KLHL29: variants seen among roughly 807,000 people sequenced by gnomAD.
KLHL29 encodes the protein kelch-like protein 29.
In KLHL29, 21 loss-of-function variants were observed where a neutral mutation model predicts 80.4. The ratio of observed to expected loss-of-function variants is 0.26; its 90% CI spans 0.19 to 0.38. KLHL29 has a LOEUF of 0.38. KLHL29 is among the 10% of genes least tolerant of loss of function. The pLI, the probability that KLHL29 is intolerant of heterozygous loss-of-function variation, is 1.00. For synonymous variants in KLHL29, 511 were observed against 526.8 expected, an observed-to-expected ratio of 0.97 and a Z score of 0.41; for missense variants, 867 against 1,223.9, an observed-to-expected ratio of 0.71 and a Z score of 4.35.
chr2:23,471,583 T>C (rs1281076069), intron 1 of KLHL29, among the ~76,000 whole-genome samples: 2 of 152,190 alleles, frequency 1.3e-5, no homozygotes, highest in African/African-American at 4.8e-5. Context: ...AAGCTGAAAG[T>C]CCTAAGACCC....
intron 1 of KLHL29, among the ~76,000 whole-genome samples, chr2:23,408,213 T>C (rs1666777379): frequency 7.2e-6 from 1 of 138,890 alleles, no homozygotes; most frequent in Non-Finnish European, 1.5e-5. Flanking sequence ...TTGGCTACTA[T>C]GTCTGACATA....
intron 5 of KLHL29, among the ~76,000 whole-genome samples, chr2:23,651,098 C>T (rs1426226779): frequency 6.6e-6 from 1 of 152,156 alleles, no homozygotes; most frequent in East Asian, 1.9e-4. Flanking sequence ...GAGCATAAAA[C>T]ATTGTGTAAA....
rs370185421 is a variant in KLHL29, at chr2:23,434,699, C to G, written c.-153-40861C>G. ...ATTTGGGTCAGATGAAGTGGCTTTG[C>G]AGCAGGCTGGGTTTTGACATGCTGT... On this transcript the variant is annotated intron_variant, in intron 1 of 13. Transcript: ENST00000486442. Among the ~76,000 whole-genome samples, 6 of 152,336 alleles carry G rather than the reference C, an allele frequency of 3.9e-5. No individual in the cohort carries two copies. The East Asian group carries it at 9.6e-4, about 24-fold the overall frequency.
chr2:23,561,078 G>A (rs1019365629), intron 2 of KLHL29, among the ~76,000 whole-genome samples: 1 of 152,162 alleles, frequency 6.6e-6, no homozygotes, highest in Non-Finnish European at 1.5e-5. Flanking sequence ...CAACCAAGCT[G>A]TGCCTGAGCC....
chr2:23,587,107 A>G (rs567591226), intron 3 of KLHL29, among the ~76,000 whole-genome samples: 162 of 152,064 alleles, frequency 1.1e-3, no homozygotes, highest in Admixed American at 2.1e-3. Flanking sequence ...TTTTAATTAG[A>G]CGCCCTGTTA....
chr2:23,507,409 C>T lies in KLHL29; in HGVS notation c.-46+31742C>T, dbSNP rs1199904867. Among the ~76,000 whole-genome samples, 6 of 152,180 alleles carry T rather than the reference C, an allele frequency of 3.9e-5. No individual in the cohort carries two copies. In the East Asian group the frequency reaches 7.7e-4, roughly 20 times the overall value. ...CCTCAAATGGCCTCAGTGCCAGCCCCGTCCCGGAGCAGCGTCACAGTGCAC... is the reference window on the plus strand; with the variant it reads ...CCTCAAATGGCCTCAGTGCCAGCCCTGTCCCGGAGCAGCGTCACAGTGCAC... On this transcript the variant is annotated intron_variant, in intron 2 of 13. Transcript: ENST00000486442.
At chr2:23,646,182 A>G (rs1456761377) in intron 5 of KLHL29, among the ~76,000 whole-genome samples, 1 of 152,002 alleles carries the variant, frequency 6.6e-6, no homozygotes, top group Non-Finnish European at 1.5e-5. Flanking sequence ...TCGTTGTTGG[A>G]TTGGAACCAC....
chr2:23,664,687 C>T (rs1670505879), intron 5 of KLHL29, among the ~76,000 whole-genome samples: 1 of 152,202 alleles, frequency 6.6e-6, no homozygotes, highest in African/African-American at 2.4e-5. Flanking sequence ...GCCAGTTTTC[C>T]ACAAAGAGGA....
chr2:23,455,167 G>T (rs1020094), intron 1 of KLHL29, among the ~76,000 whole-genome samples: 77,257 of 151,804 alleles, frequency 0.51, 20,927 homozygotes, highest in African/African-American at 0.71. Flanking sequence ...GTCTTTAGTT[G>T]CTGACATTAT....
Position 23,457,827 on chromosome 2 carries a change from C to T in KLHL29, c.-153-17733C>T, listed in dbSNP as rs1664100034. On this transcript the variant is annotated intron_variant, in intron 1 of 13. Transcript: ENST00000486442. The surrounding 1 kb of genome is among the most constrained non-coding windows in gnomAD (Gnocchi z 4.3). ...AGGAGATCGAGACCATCCTGGCTAA[C>T]ACAGTGAAACCCTGTCTCTACTAAA... 6.6e-6 allele frequency among the ~76,000 whole-genome samples: 1 copy of T among 152,062 alleles called. No individual in the cohort carries two copies. The highest frequency in any genetic ancestry group is 1.5e-5 in the Non-Finnish European group (1 of 68,008).
chr2:23,676,763 G>A lies in KLHL29; in HGVS notation c.941-7636G>A, dbSNP rs797011769. Among the ~76,000 whole-genome samples the A allele has an allele frequency of 7.2e-5, 11 of 152,360 alleles. 1 individual carries two copies. The highest frequency in any genetic ancestry group is 2.6e-4 in the African/African-American group (11 of 41,588). On this transcript the variant is annotated intron_variant, in intron 5 of 13. Transcript: ENST00000486442. Reference sequence around the variant, plus strand: ...ACAGGATGAACTGCCTGTGAACTTAGAGAGTTGGGGGATGCGTGGAACATG... The same window carrying A: ...ACAGGATGAACTGCCTGTGAACTTAAAGAGTTGGGGGATGCGTGGAACATG...
At chr2:23,478,958 C>T (rs765070094) in intron 2 of KLHL29, among the ~76,000 whole-genome samples, 10 of 151,832 alleles carry the variant, frequency 6.6e-5, no homozygotes, top group Admixed American at 1.3e-4. Flanking sequence ...CCTCTCTGAC[C>T]GCACTCCCCT....
chr2:23,557,841 T>G (rs1291587119), intron 2 of KLHL29, among the ~76,000 whole-genome samples: 2 of 152,120 alleles, frequency 1.3e-5, no homozygotes, highest in Non-Finnish European at 2.9e-5. Flanking sequence ...AGGGACTGAT[T>G]TATCACATCA....
intron 2 of KLHL29, among the ~76,000 whole-genome samples, chr2:23,528,319 G>A (rs1359271682): frequency 6.6e-6 from 1 of 152,152 alleles, no homozygotes; most frequent in Non-Finnish European, 1.5e-5. Context: ...TTTGGGGCTC[G>A]GAATGGCTGG....
chr2:23,584,832 G>C (rs1197195514), intron 3 of KLHL29, among the ~76,000 whole-genome samples: 1 of 152,194 alleles, frequency 6.6e-6, no homozygotes, highest in Non-Finnish European at 1.5e-5. Context: ...CGCCTCCCAG[G>C]TTCAAGCGGT....
At chr2:23,561,915 A>T (rs2103496696) in intron 2 of KLHL29, among the ~76,000 whole-genome samples, 1 of 152,246 alleles carries the variant, frequency 6.6e-6, no homozygotes, top group Admixed American at 6.5e-5. Flanking sequence ...TTTAACTGTG[A>T]CTGGGTTCAA....
At chr2:23,654,256 C>CAGAGCACCTTCG (rs995485828) in intron 5 of KLHL29, among the ~76,000 whole-genome samples, 2 of 152,096 alleles carry the variant, frequency 1.3e-5, no homozygotes, top group African/African-American at 4.8e-5. Flanking sequence ...CAGTGGAGTC[C>CAGAGCACCTTCG]AGAGCACCTT....
At chr2:23,583,996 C>T (rs1668053223) in intron 3 of KLHL29, among the ~76,000 whole-genome samples, 1 of 152,162 alleles carries the variant, frequency 6.6e-6, no homozygotes, top group Non-Finnish European at 1.5e-5. Context: ...GCCAGCAGGT[C>T]ATTTTATAGA....
At chr2:23,446,752 C>T (rs762469172) in intron 1 of KLHL29, among the ~76,000 whole-genome samples, 4 of 152,166 alleles carry the variant, frequency 2.6e-5, no homozygotes, top group Non-Finnish European at 4.4e-5. Flanking sequence ...ACCCAGCTTT[C>T]CTGACATTAT....
Sources: allele counts gnomAD v4.1 joint callset (sites outside exome capture counted in the v4.1 genomes callset), GRCh38; gene constraint gnomAD v4.1.1; non-coding constraint Gnocchi (gnomAD v3.1); transcripts MANE v1.5; gene names NCBI Gene and HGNC (gene_info 2026-07-23, HGNC 2026-07-21).